CEP112: variants seen among roughly 807,000 people sequenced by gnomAD.
CEP112 encodes centrosomal protein of 112 kDa.
CEP112 carries 127 observed loss-of-function variants against 153.0 expected under a neutral mutation model. The observed-to-expected ratio is 0.83, with a 90% CI of 0.72 to 0.96. CEP112 has a LOEUF of 0.96. Among genes scored for constraint, CEP112 ranks in the 40% least tolerant of loss-of-function variants. The pLI is 0.00. For synonymous variants in CEP112, 358 were observed against 374.4 expected (o/e 0.96, Z 0.51); for missense variants, 1,089 against 1,101.2 (o/e 0.99, Z 0.16).
chr17:66,108,225 G>A (rs945995806), intron 6 of CEP112, among the ~76,000 whole-genome samples: 3 of 152,144 alleles, frequency 2.0e-5, no homozygotes, highest in Non-Finnish European at 4.4e-5. Context: ...AAACTCTCCA[G>A]GACATTGGAG....
chr17:66,139,652 TGAGCAACAG>T (rs1367020157), intron 4 of CEP112, among the ~76,000 whole-genome samples: 16 of 152,002 alleles, frequency 1.1e-4, no homozygotes, highest in Non-Finnish European at 2.4e-4. Flanking sequence ...GAAAGTACTA[TGAGCAACAG>T]TATGCCAATG....
intron 14 of CEP112, 38 bp from the exon 15 acceptor site, chr17:66,028,443 G>T: frequency 2.4e-6 from 3 of 1,252,184 alleles, no homozygotes; most frequent in South Asian, 2.9e-5. Context: ...GCAGAATATT[G>T]ATTTTTGTAC....
At chr17:65,792,114 C>A (rs1040962962) in intron 21 of CEP112, among the ~76,000 whole-genome samples, 1 of 152,256 alleles carries the variant, frequency 6.6e-6, no homozygotes, top group Middle Eastern at 3.4e-3. Context: ...AGTTAAACAG[C>A]GCTCCTACAC....
intron 24 of CEP112, among the ~76,000 whole-genome samples, chr17:65,642,763 T>G (rs745945679): frequency 2.6e-5 from 4 of 152,242 alleles, no homozygotes; most frequent in Non-Finnish European, 5.9e-5. Context: ...AACGCATGCT[T>G]TATAAACCAG....
At chr17:65,830,197 A>G (rs1194961087) in intron 21 of CEP112, among the ~76,000 whole-genome samples, 1 of 152,210 alleles carries the variant, frequency 6.6e-6, no homozygotes, top group Non-Finnish European at 1.5e-5. Flanking sequence ...GCCAAAAAAT[A>G]TAACTAAAAA....
At chr17:65,848,633 C>T (rs1401817173) in intron 21 of CEP112, among the ~76,000 whole-genome samples, 2 of 152,132 alleles carry the variant, frequency 1.3e-5, no homozygotes, top group South Asian at 2.1e-4. Flanking sequence ...TGGGTGATTC[C>T]CACAGCTGTT....
Position 65,826,238 on chromosome 17 carries a change from A to G in CEP112, c.2394+25566T>C, listed in dbSNP as rs759012523. On this transcript the variant is annotated intron_variant, in intron 21 of 26. Coordinates refer to ENST00000535342, the MANE Select transcript of CEP112 (RefSeq NM_001199165.4). ...ATTACCATTCTCTTCTCTCATCTCT[A>G]TCAGTCTCAGGGCTTGGTTTTCCTT... 2.1e-5 allele frequency: 34 copies of G among 1,614,042 alleles called. No individual in the cohort carries two copies. The South Asian group carries it at 3.1e-4, about 15-fold the overall frequency.
intron 21 of CEP112, among the ~76,000 whole-genome samples, chr17:65,813,451 A>G (rs2056093854): frequency 1.3e-5 from 2 of 152,206 alleles, no homozygotes; most frequent in Non-Finnish European, 2.9e-5. Flanking sequence ...GTGAAACAGG[A>G]GCTGCTTCTA....
At chr17:66,067,368 G>A (rs1476407552) in intron 9 of CEP112, among the ~76,000 whole-genome samples, 1 of 152,186 alleles carries the variant, frequency 6.6e-6, no homozygotes, top group Non-Finnish European at 1.5e-5. Context: ...TGTCCTGAAA[G>A]GGAGTTAGGG....
At chr17:65,647,222 G>A (rs1270463592) in intron 24 of CEP112, among the ~76,000 whole-genome samples, 2 of 144,380 alleles carry the variant, frequency 1.4e-5, no homozygotes, top group African/African-American at 5.3e-5. Flanking sequence ...TGCCCAGGCT[G>A]GAGTGCAATG....
chr17:65,743,139 GCCGC>G lies in CEP112; in HGVS notation c.2532_2535del (p.Arg844SerfsTer16). 1 of 1,613,154 alleles carries G rather than the reference GCCGC, an allele frequency of 6.2e-7. No individual in the cohort carries two copies. Among genetic ancestry groups the G allele is most frequent in the South Asian group, 1.1e-5 (1 of 90,842 alleles). On this transcript the variant is annotated frameshift_variant, in exon 23 of 27. Transcript: ENST00000535342. LOFTEE classifies it high-confidence loss of function. Reference sequence around the variant, plus strand: ...TCAAACTTTTGTCTAACATCCTGGAGCCGCCTTTCTGCAGCAAGCTGCTGCTGGC... The same window carrying G: ...TCAAACTTTTGTCTAACATCCTGGAGCTTTCTGCAGCAAGCTGCTGCTGGC...
At chr17:65,821,210 T>C (rs983940070) in intron 21 of CEP112, among the ~76,000 whole-genome samples, 22 of 152,016 alleles carry the variant, frequency 1.4e-4, no homozygotes, top group African/African-American at 5.1e-4. Context: ...ATGTAATTAC[T>C]GAAATTGATT....
intron 23 of CEP112, among the ~76,000 whole-genome samples, chr17:65,697,594 T>C (rs1299379044): frequency 6.6e-6 from 1 of 152,158 alleles, no homozygotes; most frequent in African/African-American, 2.4e-5. Flanking sequence ...TCAAGCCCTG[T>C]CATCCACACA....
chr17:66,169,505 C>T (rs1384114905), intron 4 of CEP112, among the ~76,000 whole-genome samples: 3 of 151,914 alleles, frequency 2.0e-5, no homozygotes, highest in Admixed American at 6.6e-5. Context: ...AAGCTGGTAT[C>T]GAACTCCTGA....
intron 20 of CEP112, among the ~76,000 whole-genome samples, chr17:65,870,014 T>TAAGAAA (rs2058603079): frequency 2.2e-5 from 1 of 44,614 alleles, no homozygotes. Flanking sequence ...AGGTAGAGAA[T>TAAGAAA]AAGAAAGAAA....
At chr17:65,994,190 G>T (rs1330639166) in intron 17 of CEP112, among the ~76,000 whole-genome samples, 2 of 152,182 alleles carry the variant, frequency 1.3e-5, no homozygotes, top group Non-Finnish European at 2.9e-5. Context: ...ATGACAGTAA[G>T]ATTTCAAAGG....
chr17:66,046,946 T>C (rs12452971), intron 12 of CEP112, among the ~76,000 whole-genome samples: 62,438 of 151,916 alleles, frequency 0.41, 14,299 homozygotes, highest in East Asian at 0.87. Flanking sequence ...TCTGCTGGTG[T>C]CTTGCTTTCA....
chr17:66,145,201 T>C (rs1312105283), intron 4 of CEP112, among the ~76,000 whole-genome samples: 1 of 152,206 alleles, frequency 6.6e-6, no homozygotes, highest in Non-Finnish European at 1.5e-5. Context: ...TTTTCTCTTG[T>C]GAAGTGTCTG....
intron 24 of CEP112, among the ~76,000 whole-genome samples, chr17:65,660,460 C>CTCCTTCCT (rs143750694): frequency 3.2e-3 from 253 of 78,328 alleles, no homozygotes; most frequent in South Asian, 4.3e-3. Context: ...TCTTCTCTCT[C>CTCCTTCCT]TCCTTCCTTC....
Sources: allele counts gnomAD v4.1 joint callset (sites outside exome capture counted in the v4.1 genomes callset), GRCh38; gene constraint gnomAD v4.1.1; transcripts MANE v1.5; gene names NCBI Gene and HGNC (gene_info 2026-07-23, HGNC 2026-07-21).